The following OPCML variants were observed in gnomAD, a reference collection of about 807,000 sequenced individuals.
The protein encoded by OPCML is opioid-binding protein/cell adhesion molecule.
OPCML carries 13 observed loss-of-function variants against 37.8 expected under a neutral mutation model. That is an observed-to-expected ratio of 0.34 (90% CI 0.22 to 0.55). The LOEUF is 0.55. Among genes scored for constraint, OPCML ranks in the 20% least tolerant of loss-of-function variants. The pLI is 0.91. For synonymous variants in OPCML, 176 were observed against 168.8 expected (o/e 1.04, Z -0.33); for missense variants, 341 against 435.6 (o/e 0.78, Z 1.93).
intron 1 of OPCML, among the ~76,000 whole-genome samples, chr11:133,265,778 T>C (rs942344987): frequency 2.6e-5 from 4 of 152,244 alleles, no homozygotes; most frequent in South Asian, 4.2e-4. Context: ...TAACAGACTC[T>C]GAGGAAACAG....
At chr11:132,899,007 C>T (rs1020704209) in intron 2 of OPCML, among the ~76,000 whole-genome samples, 2 of 152,154 alleles carry the variant, frequency 1.3e-5, no homozygotes, top group South Asian at 4.1e-4. Flanking sequence ...CTTAGGGTGT[C>T]TCTTAGTATT....
intron 2 of OPCML, among the ~76,000 whole-genome samples, chr11:132,874,257 C>G (rs1011623891): frequency 6.6e-6 from 1 of 152,132 alleles, no homozygotes; most frequent in South Asian, 2.1e-4. Context: ...GAGCCTGGCT[C>G]AGTTGATAGA....
At chr11:133,011,351 C>A (rs926357499) in intron 1 of OPCML, among the ~76,000 whole-genome samples, 1 of 152,144 alleles carries the variant, frequency 6.6e-6, no homozygotes, top group Admixed American at 6.5e-5. Flanking sequence ...GAGAAGTGAG[C>A]CCCATGATCC....
chr11:132,638,380 A>C (rs1940656694), intron 3 of OPCML, among the ~76,000 whole-genome samples: 1 of 152,012 alleles, frequency 6.6e-6, no homozygotes, highest in South Asian at 2.1e-4. Flanking sequence ...GTCAAGAGAG[A>C]ATTATATTTA....
intron 1 of OPCML, among the ~76,000 whole-genome samples, chr11:133,449,484 C>T (rs886376306): frequency 5.9e-5 from 9 of 152,180 alleles, no homozygotes; most frequent in African/African-American, 1.9e-4. Context: ...TGACCAATCA[C>T]CACAGATTAG....
intron 1 of OPCML, among the ~76,000 whole-genome samples, chr11:133,508,600 C>T (rs1948089217): frequency 1.3e-5 from 2 of 152,332 alleles, no homozygotes; most frequent in South Asian, 4.1e-4. Flanking sequence ...CTGCCGCAGG[C>T]AATGCTCCCT....
intron 2 of OPCML, among the ~76,000 whole-genome samples, chr11:132,866,365 T>A (rs2136377989): frequency 6.6e-6 from 1 of 152,352 alleles, no homozygotes; most frequent in South Asian, 2.1e-4. Flanking sequence ...GTGATCCTAT[T>A]AAGCTGTGGA....
At chr11:132,626,002 A>G (rs760532681) in intron 3 of OPCML, among the ~76,000 whole-genome samples, 37 of 151,870 alleles carry the variant, frequency 2.4e-4, no homozygotes, top group Non-Finnish European at 4.0e-4. Flanking sequence ...GTCTCCATTT[A>G]TTTTTTCAAG....
chr11:132,518,397 G>A (rs2096284920), intron 4 of OPCML, among the ~76,000 whole-genome samples: 1 of 152,152 alleles, frequency 6.6e-6, no homozygotes, highest in Non-Finnish European at 1.5e-5. Context: ...CCTTGCAAAG[G>A]ACCTAACTCT....
chr11:132,851,876 G>C (rs1352321430), intron 2 of OPCML, among the ~76,000 whole-genome samples: 1 of 152,136 alleles, frequency 6.6e-6, no homozygotes, highest in Non-Finnish European at 1.5e-5. Context: ...GCGATGTGAG[G>C]GAAGAATAGG....
At chr11:132,541,851 A>T (rs1011372938) in intron 3 of OPCML, among the ~76,000 whole-genome samples, 3 of 152,176 alleles carry the variant, frequency 2.0e-5, no homozygotes, top group Non-Finnish European at 2.9e-5. Flanking sequence ...TCTTGCTGGC[A>T]GGGCTTTTGG....
At chr11:132,937,296 G>A (rs1175226423) in intron 2 of OPCML, among the ~76,000 whole-genome samples, 2 of 152,116 alleles carry the variant, frequency 1.3e-5, no homozygotes, top group Non-Finnish European at 2.9e-5. Context: ...AGAAGGAAAG[G>A]AAATGAGAAA....
In OPCML at chr11:133,366,478, G is replaced by A. The variant is rs10160735; in HGVS notation, c.61+165786C>T. 9.2e-3 allele frequency among the ~76,000 whole-genome samples: 1,394 copies of A among 152,266 alleles called. 11 individuals carry two copies. The highest frequency in any genetic ancestry group is 0.013 in the Non-Finnish European group (914 of 68,006). On this transcript the variant is annotated intron_variant, in intron 1 of 7. Coordinates refer to ENST00000524381, the MANE Select transcript of OPCML (RefSeq NM_001012393.5). ...AATGTGTCTGGGAACATGATAAAAA[G>A]TGTCAAAACAAAGGCTGGAATTATA...
intron 1 of OPCML, among the ~76,000 whole-genome samples, chr11:133,186,547 G>T (rs1938083418): frequency 6.6e-6 from 1 of 151,920 alleles, no homozygotes; most frequent in Admixed American, 6.6e-5. Flanking sequence ...ATGGAGAGGG[G>T]TAAGGGAGAA....
chr11:132,528,746 A>G (rs2096315357), intron 4 of OPCML, among the ~76,000 whole-genome samples: 2 of 152,186 alleles, frequency 1.3e-5, no homozygotes, highest in African/African-American at 2.4e-5. Flanking sequence ...CAGGAAGAAC[A>G]AACCACCAAC....
intron 1 of OPCML, among the ~76,000 whole-genome samples, chr11:133,415,181 G>T (rs943179789): frequency 6.6e-6 from 1 of 152,084 alleles, no homozygotes; most frequent in Non-Finnish European, 1.5e-5. Flanking sequence ...AGGCCGAGGC[G>T]GGCGGATCAC....
At chr11:133,184,613 A>T (rs1937992230) in intron 1 of OPCML, among the ~76,000 whole-genome samples, 1 of 152,160 alleles carries the variant, frequency 6.6e-6, no homozygotes, top group Non-Finnish European at 1.5e-5. Context: ...GCAGATCTAT[A>T]AAACCCAGGT....
At chr11:132,431,154 A>G (rs1396330797) in intron 7 of OPCML, among the ~76,000 whole-genome samples, 1 of 152,222 alleles carries the variant, frequency 6.6e-6, no homozygotes, top group Non-Finnish European at 1.5e-5. Context: ...CAATGGTTGG[A>G]GCAAGCTACT....
At chr11:132,730,987 C>G (rs950121401) in intron 2 of OPCML, among the ~76,000 whole-genome samples, 1 of 152,064 alleles carries the variant, frequency 6.6e-6, no homozygotes, top group African/African-American at 2.4e-5. Context: ...GTTTTTTCAT[C>G]TGTTTGTTGT....
Sources: allele counts gnomAD v4.1 joint callset (sites outside exome capture counted in the v4.1 genomes callset), GRCh38; gene constraint gnomAD v4.1.1; transcripts MANE v1.5; gene names NCBI Gene and HGNC (gene_info 2026-07-23, HGNC 2026-07-21).